VSTM4: variants seen among roughly 807,000 people sequenced by gnomAD.
VSTM4 encodes V-set and transmembrane domain-containing protein 4.
A neutral mutation model predicts 36.4 loss-of-function variants in VSTM4; 20 were observed. The ratio of observed to expected loss-of-function variants is 0.55; its 90% CI spans 0.39 to 0.80. VSTM4 has a LOEUF of 0.80. VSTM4 is among the 30% of genes least tolerant of loss of function. The pLI, the probability that VSTM4 is intolerant of heterozygous loss-of-function variation, is 0.00. For synonymous variants in VSTM4, 182 were observed against 173.9 expected (o/e 1.05, Z -0.37); for missense variants, 392 against 404.5 (o/e 0.97, Z 0.26).
intron 4 of VSTM4, among the ~76,000 whole-genome samples, chr10:49,075,400 AC>A (rs989830229): frequency 6.6e-6 from 1 of 152,178 alleles, no homozygotes; most frequent in African/African-American, 2.4e-5. Context: ...TGGGAAATAA[AC>A]CCATTTGTCC....
In VSTM4 at chr10:49,074,776, T is replaced by C. The variant is rs888032376; in HGVS notation, c.634+2443A>G. On this transcript the variant is annotated intron_variant, in intron 4 of 7. Coordinates refer to ENST00000332853, the MANE Select transcript of VSTM4 (RefSeq NM_001031746.5). The stretch of plus-strand genomic sequence containing the variant: ...CATGGAGGGCTAAAGAAAAATTCCC[T>C]TGGCAAGGTCAGCCCCCGATAGCCA... Among the ~76,000 whole-genome samples the C allele has an allele frequency of 5.3e-5, 8 of 152,312 alleles. No individual in the cohort carries two copies. The East Asian group carries it at 1.2e-3, about 22-fold the overall frequency.
chr10:49,030,962 C>T (rs1231873389), intron 7 of VSTM4, among the ~76,000 whole-genome samples: 3 of 152,216 alleles, frequency 2.0e-5, no homozygotes, highest in Non-Finnish European at 2.9e-5. Context: ...ACAGCAACTG[C>T]TCCATGGTCT....
At chr10:49,043,387 GT>G (rs1347388540) in intron 7 of VSTM4, among the ~76,000 whole-genome samples, 3 of 152,206 alleles carry the variant, frequency 2.0e-5, no homozygotes, top group Non-Finnish European at 4.4e-5. Flanking sequence ...CTACTAGAAA[GT>G]TTAAATTACC....
At chr10:49,095,420 C>T (rs1043571272) in intron 2 of VSTM4, among the ~76,000 whole-genome samples, 4 of 152,104 alleles carry the variant, frequency 2.6e-5, no homozygotes, top group African/African-American at 9.7e-5. Flanking sequence ...CGGAAGGCCC[C>T]GGCAGGGTCC....
At chr10:49,102,054 G>A (rs1844676068) in intron 2 of VSTM4, 1 of 152,174 alleles carries the variant, frequency 6.6e-6, no homozygotes, top group Admixed American at 6.5e-5. Context: ...TATTGACAAT[G>A]ATTATCTCTG....
intron 7 of VSTM4, among the ~76,000 whole-genome samples, chr10:49,031,841 C>T (rs992717466): frequency 1.3e-5 from 2 of 152,160 alleles, no homozygotes; most frequent in African/African-American, 4.8e-5. Context: ...CTCTTGCTGA[C>T]CAGGGCTCCA....
At chr10:49,082,202 T>TCC (rs1554834189) in intron 3 of VSTM4, among the ~76,000 whole-genome samples, 1 of 152,200 alleles carries the variant, frequency 6.6e-6, no homozygotes, top group Admixed American at 6.5e-5. Context: ...TTCCAATTCA[T>TCC]CCTTTACCTT....
intron 5 of VSTM4, among the ~76,000 whole-genome samples, chr10:49,060,579 G>C (rs1036640704): frequency 2.6e-5 from 4 of 152,148 alleles, no homozygotes; most frequent in Non-Finnish European, 5.9e-5. Flanking sequence ...GTTGTGAGAG[G>C]TCTTTATATA....
rs757674269 is a variant in VSTM4 at position 49,107,726 on chromosome 10, G to GC, written c.324dup (p.Leu109AlafsTer52). On this transcript the variant is annotated frameshift_variant, in exon 2 of 8. Transcript: ENST00000332853. LOFTEE classifies it high-confidence loss of function. ...AGTGTCAAGACGGAGAGCCTGTAGA[G>GC]CGCCCCCCGCTGCTCCTCCAGCAGG... The GC allele has an allele frequency of 1.2e-6, 2 of 1,614,214 alleles. No homozygotes were observed. Among genetic ancestry groups the GC allele is most frequent in the South Asian group, 2.2e-5 (2 of 91,090 alleles).
At chr10:49,063,561 G>C (rs1843920168) in intron 5 of VSTM4, among the ~76,000 whole-genome samples, 1 of 152,156 alleles carries the variant, frequency 6.6e-6, no homozygotes. Flanking sequence ...ATCTTGGTCT[G>C]CTTCTATGGG....
At chr10:49,069,947 C>G (rs1334392514) in intron 4 of VSTM4, among the ~76,000 whole-genome samples, 1 of 152,154 alleles carries the variant, frequency 6.6e-6, no homozygotes, top group Non-Finnish European at 1.5e-5. Flanking sequence ...TAAAGCCACA[C>G]CTTAGCATAA....
At chr10:49,030,215 T>C (rs772016937) in intron 7 of VSTM4, among the ~76,000 whole-genome samples, 2 of 152,222 alleles carry the variant, frequency 1.3e-5, no homozygotes, top group Non-Finnish European at 2.9e-5. Flanking sequence ...ACCATCTCCT[T>C]GGAGCGGAGG....
At chr10:49,033,962 TCAC>T (rs111815552) in intron 7 of VSTM4, among the ~76,000 whole-genome samples, 25,799 of 151,848 alleles carry the variant, frequency 0.17, 2,378 homozygotes, top group South Asian at 0.36. Context: ...ATTACCATTA[TCAC>T]CACCATAATC....
intron 7 of VSTM4, among the ~76,000 whole-genome samples, chr10:49,025,078 G>C (rs978456876): frequency 6.6e-6 from 1 of 151,978 alleles, no homozygotes; most frequent in African/African-American, 2.4e-5. Context: ...GGAGAAGGCG[G>C]CATCTGCAAG....
rs900124850 is a variant in VSTM4, at chr10:49,016,182, G to C, written c.*3468C>G. 1 of 152,240 alleles carries C rather than the reference G, an allele frequency of 6.6e-6. No homozygotes were observed. Among genetic ancestry groups the C allele is most frequent in the African/African-American group, 2.4e-5 (1 of 41,450 alleles). The allele number at this position is 152,240 out of a possible 1,614,324, so 9.4% of individuals were successfully genotyped here. On this transcript the variant is annotated 3_prime_UTR_variant, in exon 8 of 8. Coordinates refer to ENST00000332853, the MANE Select transcript of VSTM4 (RefSeq NM_001031746.5). ...CTGGGAAGCAACTTTGATGCATACT[G>C]TATTCATATTCTTTATGCAACCTGA... is the stretch of plus-strand genomic sequence containing the variant.
chr10:49,093,066 C>T (rs558905063), intron 2 of VSTM4, among the ~76,000 whole-genome samples: 5 of 152,262 alleles, frequency 3.3e-5, no homozygotes, highest in Non-Finnish European at 5.9e-5. Context: ...ATTCTCCAAG[C>T]GCACATGTGA....
At chr10:49,069,322 C>T (rs1844031525) in intron 4 of VSTM4, among the ~76,000 whole-genome samples, 1 of 152,236 alleles carries the variant, frequency 6.6e-6, no homozygotes, top group African/African-American at 2.4e-5. Flanking sequence ...CAATAGGACC[C>T]ATGGATGTTT....
chr10:49,068,962 A>G (rs2131982546), intron 4 of VSTM4, among the ~76,000 whole-genome samples: 1 of 152,244 alleles, frequency 6.6e-6, no homozygotes, highest in East Asian at 1.9e-4. Flanking sequence ...TCTGAAAGGA[A>G]GGCTTATTTT....
rs1282106668 is a variant in VSTM4, at chr10:49,070,166, T to C, written c.635-5430A>G. Reference sequence around the variant, plus strand: ...TACTTGGGAGGCTGAGGCAGGAGAATGGCATGAACCCGGGAGGCGGAGCTT... The same window carrying C: ...TACTTGGGAGGCTGAGGCAGGAGAACGGCATGAACCCGGGAGGCGGAGCTT... On this transcript the variant is annotated intron_variant, in intron 4 of 7. Transcript: ENST00000332853. 2.6e-5 allele frequency among the ~76,000 whole-genome samples: 2 copies of C among 77,362 alleles called. 1 individual carries two copies. The highest frequency in any genetic ancestry group is 1.6e-4 in the African/African-American group (2 of 12,352). 50.8% of individuals were successfully genotyped at this position (77,362 alleles called of 152,430 possible).
Sources: allele counts gnomAD v4.1 joint callset (sites outside exome capture counted in the v4.1 genomes callset), GRCh38; gene constraint gnomAD v4.1.1; transcripts MANE v1.5; gene names NCBI Gene and HGNC (gene_info 2026-07-23, HGNC 2026-07-21).